LRPPRC: variants seen among roughly 807,000 people sequenced by gnomAD.
The protein encoded by LRPPRC is leucine-rich PPR motif-containing protein, mitochondrial.
LRPPRC carries 120 observed loss-of-function variants against 180.3 expected under a neutral mutation model. The ratio of observed to expected loss-of-function variants is 0.67; its 90% CI spans 0.57 to 0.77. The LOEUF (loss-of-function observed/expected upper bound fraction) is 0.77. Ranked by LOEUF, LRPPRC falls within the 30% of genes least tolerant of loss-of-function variation. The pLI, the probability that LRPPRC is intolerant of heterozygous loss-of-function variation, is 0.00. For missense variants in LRPPRC, 2,012 were observed against 1,657.2 expected (o/e 1.21, Z -3.72); for synonymous variants, 723 against 600.0 (o/e 1.21, Z -3.00).
In LRPPRC at chr2:43,889,891, A is replaced by C; in HGVS notation, c.3986-15T>G. The C allele has an allele frequency of 6.3e-7, 1 of 1,584,534 alleles. No individual in the cohort carries two copies. The highest frequency in any genetic ancestry group is 8.7e-7 in the Non-Finnish European group (1 of 1,152,972). The stretch of plus-strand genomic sequence containing the variant: ...TTTCTCTGAGACTGACATAAAGAAA[A>C]AAATATATTAATCAGAGATAAAGAC... On this transcript the variant is annotated splice_polypyrimidine_tract_variant and intron_variant, in intron 36 of 37. Coordinates refer to ENST00000260665, the MANE Select transcript of LRPPRC (RefSeq NM_133259.4).
intron 36 of LRPPRC, among the ~76,000 whole-genome samples, chr2:43,890,701 G>A (rs576600322): frequency 4.6e-5 from 7 of 152,288 alleles, no homozygotes; most frequent in South Asian, 4.1e-4. Flanking sequence ...CAACAAGAGC[G>A]AGACACCATC....
chr2:43,910,879 T>G (rs563352229), intron 30 of LRPPRC, among the ~76,000 whole-genome samples: 1 of 152,124 alleles, frequency 6.6e-6, no homozygotes, highest in African/African-American at 2.4e-5. Flanking sequence ...GAGGTCTTTG[T>G]GACCAAACTC....
chr2:43,924,527 T>C (rs1277352940), intron 27 of LRPPRC, among the ~76,000 whole-genome samples: 2 of 152,194 alleles, frequency 1.3e-5, no homozygotes, highest in African/African-American at 4.8e-5. Flanking sequence ...GAATAAATTT[T>C]AGTATATCTA....
chr2:43,960,476 T>C (rs931714162), intron 13 of LRPPRC, 65 bp downstream of exon 13: 3 of 892,712 alleles, frequency 3.4e-6, no homozygotes, highest in African/African-American at 1.6e-5. Context: ...TGAACCACCC[T>C]GCATGCCCTC....
At chr2:43,903,439 G>A (rs965321672) in intron 31 of LRPPRC, 1 of 151,994 alleles carries the variant, frequency 6.6e-6, no homozygotes, top group Non-Finnish European at 1.5e-5. Context: ...ACAACGGAAG[G>A]GAATTTTTAA....
At chr2:43,934,351 C>T in intron 24 of LRPPRC, 55 bp from the exon 25 acceptor site, 1 of 814,310 alleles carries the variant, frequency 1.2e-6, no homozygotes. Flanking sequence ...CCCAGAAAAA[C>T]AGTATCATAT....
intron 11 of LRPPRC, among the ~76,000 whole-genome samples, chr2:43,967,303 G>A (rs1673602039): frequency 6.6e-6 from 1 of 152,066 alleles, no homozygotes; most frequent in South Asian, 2.1e-4. Flanking sequence ...AGGCTGAGGT[G>A]GGAAAATCTC....
intron 11 of LRPPRC, among the ~76,000 whole-genome samples, chr2:43,971,485 T>TAAAAAAAAA (rs528659622): frequency 0.34 from 20,740 of 61,854 alleles, 5,063 homozygotes; most frequent in Non-Finnish European, 0.44. Context: ...TGTGTCACAG[T>TAAAAAAAAA]AAAAAAAAAA....
intron 1 of LRPPRC, among the ~76,000 whole-genome samples, chr2:43,985,601 T>C (rs1674495471): frequency 6.6e-6 from 1 of 152,234 alleles, no homozygotes; most frequent in Non-Finnish European, 1.5e-5. Flanking sequence ...CCCTTTCAGA[T>C]TGGCTTCTTT....
intron 23 of LRPPRC, 70 bp from the exon 24 acceptor site, chr2:43,934,948 G>GA: frequency 7.6e-7 from 1 of 1,319,982 alleles, no homozygotes; most frequent in Non-Finnish European, 1.1e-6. Context: ...TAATACTTTA[G>GA]AGAGATGTTT....
At chr2:43,950,412 T>G (rs181634238) in intron 15 of LRPPRC, among the ~76,000 whole-genome samples, 161 bp downstream of exon 15, 4 of 152,196 alleles carry the variant, frequency 2.6e-5, no homozygotes, top group Non-Finnish European at 5.9e-5. Flanking sequence ...TCACAAACAC[T>G]AAAAGACACA....
intron 2 of LRPPRC, 49 bp from the exon 3 acceptor site, chr2:43,979,997 C>T: frequency 1.9e-6 from 3 of 1,570,566 alleles, no homozygotes; most frequent in Non-Finnish European, 2.6e-6. Flanking sequence ...AGCAATATCA[C>T]ATAGATAAAT....
intron 3 of LRPPRC, 132 bp downstream of exon 3, chr2:43,979,694 T>C (rs1674217731): frequency 2.7e-6 from 2 of 743,678 alleles, no homozygotes; most frequent in South Asian, 3.4e-5. Context: ...CAAATAAATA[T>C]TATCAAAAAA....
At chr2:43,912,675 C>T in intron 29 of LRPPRC, 117 bp from the exon 30 acceptor site, 1 of 700,868 alleles carries the variant, frequency 1.4e-6, no homozygotes, top group Non-Finnish European at 2.6e-6. Flanking sequence ...TAATACCAAC[C>T]CACTGTTACC....
chr2:43,979,462 C>T (rs1425480142), intron 3 of LRPPRC, among the ~76,000 whole-genome samples: 1 of 152,130 alleles, frequency 6.6e-6, no homozygotes, highest in East Asian at 1.9e-4. Context: ...CTTACTATTA[C>T]AAACAAGCTA....
At chr2:43,906,323 C>G (rs1357834776) in intron 30 of LRPPRC, among the ~76,000 whole-genome samples, 1 of 152,186 alleles carries the variant, frequency 6.6e-6, no homozygotes, top group African/African-American at 2.4e-5. Flanking sequence ...CTGCAGAACT[C>G]AAACTATTGG....
At chr2:43,953,316 TAC>T (rs1429255105) in intron 14 of LRPPRC, among the ~76,000 whole-genome samples, 2 of 152,250 alleles carry the variant, frequency 1.3e-5, no homozygotes, top group African/African-American at 4.8e-5. Context: ...AATGCCAAGT[TAC>T]CACAACCTAC....
intron 34 of LRPPRC, among the ~76,000 whole-genome samples, chr2:43,898,757 T>C (rs1031185036): frequency 1.3e-5 from 2 of 152,202 alleles, no homozygotes; most frequent in African/African-American, 2.4e-5. Flanking sequence ...CTGAGAATGT[T>C]TGAGTATTCA....
At chr2:43,946,271 A>T in intron 20 of LRPPRC, 28 bp from the exon 21 acceptor site, 1 of 1,595,514 alleles carries the variant, frequency 6.3e-7, no homozygotes. Context: ...TGTGAAAAAG[A>T]AGAAATCAGT....
Sources: allele counts gnomAD v4.1 joint callset (sites outside exome capture counted in the v4.1 genomes callset), GRCh38; gene constraint gnomAD v4.1.1; transcripts MANE v1.5; gene names NCBI Gene and HGNC (gene_info 2026-07-23, HGNC 2026-07-21).